Variants in RARB observed in about 807,000 individuals in gnomAD.
RARB encodes the protein retinoic acid receptor beta, also known as HBV-activated protein.
Under a neutral mutation model 51.9 loss-of-function variants are expected in RARB, and 17 were observed. That is an observed-to-expected ratio of 0.33 (90% CI 0.22 to 0.49). RARB has a LOEUF of 0.49. Ranked by LOEUF, RARB falls within the 20% of genes least tolerant of loss-of-function variation. RARB has a pLI of 0.99. For synonymous variants in RARB, 215 were observed against 195.4 expected (o/e 1.10, Z -0.84); for missense variants, 369 against 550.8 (o/e 0.67, Z 3.30).
At chr3:24,841,597 G>C (rs2125330665) in intron 1 of RARB, among the ~76,000 whole-genome samples, 1 of 152,232 alleles carries the variant, frequency 6.6e-6, no homozygotes, top group Admixed American at 6.5e-5. Context: ...TGATATTTTA[G>C]ATTAGTAAAA....
chr3:24,888,926 A>G (rs17015413), intron 2 of RARB, among the ~76,000 whole-genome samples: 2,211 of 152,312 alleles, frequency 0.015, 46 homozygotes, highest in African/African-American at 0.05. Context: ...TATAACTGAC[A>G]GTCCTGGATC....
chr3:25,269,106 C>T (rs1231314759), intron 5 of RARB, among the ~76,000 whole-genome samples: 1 of 152,040 alleles, frequency 6.6e-6, no homozygotes, highest in Non-Finnish European at 1.5e-5. Context: ...ACTGTCAAAC[C>T]AATATGGCAT....
intron 3 of RARB, among the ~76,000 whole-genome samples, chr3:25,093,725 G>T (rs1236679012): frequency 6.6e-6 from 1 of 151,864 alleles, no homozygotes; most frequent in African/African-American, 2.4e-5. Context: ...CATGTCTCAT[G>T]ATGACCATAG....
At chr3:24,852,191 C>G (rs111551688) in intron 1 of RARB, among the ~76,000 whole-genome samples, 2,082 of 152,286 alleles carry the variant, frequency 0.014, 49 homozygotes, top group African/African-American at 0.046. Flanking sequence ...CAGCAGGCCT[C>G]CAATAAATGT....
At chr3:25,422,292 G>C (rs1707883065) in intron 5 of RARB, among the ~76,000 whole-genome samples, 1 of 152,190 alleles carries the variant, frequency 6.6e-6, no homozygotes, top group African/African-American at 2.4e-5. Context: ...CTTGAAAAGA[G>C]TCTAGCTGTT....
At position 25,236,348 on chromosome 3, in the gene RARB, T is replaced by C. The variant is rs559445414; in HGVS notation, c.178+61773T>C. Among the ~76,000 whole-genome samples, 6 of 152,274 alleles carry C rather than the reference T, an allele frequency of 3.9e-5. No individual in the cohort carries two copies. The South Asian group carries it at 1.0e-3, about 26-fold the overall frequency. ...GATAATTTCAAAGATAATAATACCC[T>C]GTTAATTCTTATCTCAGAATAGCAG... On this transcript the variant is annotated intron_variant, in intron 5 of 11. Coordinates refer to the RARB transcript ENST00000383772.
rs529935006 is a variant in RARB, at chr3:25,137,830, G to T, written c.-280+5622G>T. Among the ~76,000 whole-genome samples the T allele has an allele frequency of 1.9e-3, 291 of 152,042 alleles. 1 individual carries two copies. The highest frequency in any genetic ancestry group is 6.8e-3 in the African/African-American group (284 of 41,478). ...TAATTCCCAATCACCCTGTCCTTTC[G>T]GCCCACAGCCATGACTGAGAGGCGA... is the stretch of plus-strand genomic sequence containing the variant. On this transcript the variant is annotated intron_variant, in intron 4 of 11. Coordinates refer to the RARB transcript ENST00000383772.
chr3:25,014,210 C>A (rs763967299), intron 2 of RARB, among the ~76,000 whole-genome samples: 25 of 152,056 alleles, frequency 1.6e-4, no homozygotes, highest in Non-Finnish European at 3.5e-4. Context: ...AACTATGTCT[C>A]TTTTCCCACC....
chr3:24,983,935 C>A (rs1696732548), intron 2 of RARB, among the ~76,000 whole-genome samples: 1 of 151,972 alleles, frequency 6.6e-6, no homozygotes, highest in Non-Finnish European at 1.5e-5. Flanking sequence ...ATAAAATAAA[C>A]CAAATGAAAA....
At chr3:25,144,768 C>T (rs1700161458) in intron 4 of RARB, among the ~76,000 whole-genome samples, 1 of 152,150 alleles carries the variant, frequency 6.6e-6, no homozygotes, top group South Asian at 2.1e-4. Context: ...AGCTAGAATG[C>T]CTGGCCGATA....
chr3:25,172,294 T>C (rs1700660805), intron 4 of RARB, among the ~76,000 whole-genome samples: 1 of 152,154 alleles, frequency 6.6e-6, no homozygotes, highest in Non-Finnish European at 1.5e-5. Context: ...TAAGCTTAGC[T>C]TGGCAGAGGG....
intron 5 of RARB, among the ~76,000 whole-genome samples, chr3:25,296,287 T>C (rs1703912695): frequency 1.3e-5 from 2 of 152,186 alleles, no homozygotes; most frequent in African/African-American, 2.4e-5. Context: ...AAAAAGGCTT[T>C]TTTTTCCCCC....
At chr3:25,398,260 G>A (rs1418812399) in intron 5 of RARB, among the ~76,000 whole-genome samples, 1 of 152,008 alleles carries the variant, frequency 6.6e-6, no homozygotes, top group Non-Finnish European at 1.5e-5. Context: ...CGGTTTCAAG[G>A]CTGGTCCATC....
At chr3:24,957,674 T>G (rs6802478) in intron 2 of RARB, among the ~76,000 whole-genome samples, 70,597 of 151,636 alleles carry the variant, frequency 0.47, 17,021 homozygotes, top group East Asian at 0.61. Flanking sequence ...CAAAGTTCTT[T>G]GCCAATTATT....
intron 2 of RARB, among the ~76,000 whole-genome samples, chr3:25,490,343 A>G (rs1407785040): frequency 6.6e-6 from 1 of 152,198 alleles, no homozygotes; most frequent in East Asian, 1.9e-4. Flanking sequence ...CAAGTACATC[A>G]TAATTATTTG....
Position 25,520,987 on chromosome 3 carries a change from T to A in RARB, c.448+19664T>A, listed in dbSNP as rs2125631910. 2.0e-5 allele frequency among the ~76,000 whole-genome samples: 3 copies of A among 152,190 alleles called. No homozygotes were observed. The South Asian group carries it at 6.2e-4, about 32-fold the overall frequency. On this transcript the variant is annotated intron_variant, in intron 3 of 7. Transcript: ENST00000330688. ...CCTACCCTTTATACACCTAAGGGAG[T>A]TTGTGACAATAAAATATCAAGAGTA...
intron 2 of RARB, among the ~76,000 whole-genome samples, chr3:25,056,987 G>T (rs538793569): frequency 1.1e-4 from 17 of 152,104 alleles, no homozygotes; most frequent in African/African-American, 2.7e-4. Flanking sequence ...ATTGTTAGAT[G>T]TTCAGAAGTT....
Position 25,244,618 on chromosome 3 carries a change from G to A in RARB, c.178+70043G>A, listed in dbSNP as rs142469293. Reference sequence around the variant, plus strand: ...TTGTTCAGTTTTCATGTGGTTGTGAGATTTTGAGTGAGTTTCTTAATCCTG... The same window carrying A: ...TTGTTCAGTTTTCATGTGGTTGTGAAATTTTGAGTGAGTTTCTTAATCCTG... On this transcript the variant is annotated intron_variant, in intron 5 of 11. Coordinates refer to the RARB transcript ENST00000383772. 2.7e-3 allele frequency among the ~76,000 whole-genome samples: 416 copies of A among 152,290 alleles called. 2 individuals carry two copies. Among genetic ancestry groups the A allele is most frequent in the African/African-American group, 9.6e-3 (401 of 41,558 alleles).
chr3:25,173,932 T>C (rs1187622985), intron 4 of RARB, among the ~76,000 whole-genome samples: 2 of 152,136 alleles, frequency 1.3e-5, no homozygotes, highest in Non-Finnish European at 2.9e-5. Context: ...TATTTTTAAA[T>C]TGAGTAAAAG....
Sources: gnomAD v4.1 joint callset for allele counts (sites outside exome capture counted in the v4.1 genomes callset) on GRCh38, gnomAD v4.1.1 for gene constraint, MANE v1.5 for transcripts, NCBI Gene and HGNC (gene_info 2026-07-23, HGNC 2026-07-21) for gene names.